Variants in ADK observed in about 807,000 individuals in gnomAD.
ADK encodes the protein N6,N6-dimethyladenosine kinase.
In ADK, 24 loss-of-function variants were observed where a neutral mutation model predicts 44.7. The observed-to-expected ratio is 0.54, with a 90% CI of 0.39 to 0.76. ADK has a LOEUF of 0.76. Among genes scored for constraint, ADK ranks in the 30% least tolerant of loss-of-function variants. The pLI is 0.00. For missense variants in ADK, 321 were observed against 425.1 expected (o/e 0.76, Z 2.15); for synonymous variants, 128 against 142.6 (o/e 0.90, Z 0.73).
At chr10:74,243,861 A>AT (rs1845316682) in intron 3 of ADK, among the ~76,000 whole-genome samples, 1 of 152,048 alleles carries the variant, frequency 6.6e-6, no homozygotes. Context: ...CTCAAAAAAA[A>AT]TTTTTTTTAA....
At chr10:74,272,514 A>G (rs577556625) in intron 3 of ADK, among the ~76,000 whole-genome samples, 1 of 152,290 alleles carries the variant, frequency 6.6e-6, no homozygotes, top group South Asian at 2.1e-4. Flanking sequence ...GATGCAAGCA[A>G]TCCTCCTGCC....
chr10:74,556,973 A>C (rs1476979471), intron 7 of ADK, among the ~76,000 whole-genome samples: 2 of 152,200 alleles, frequency 1.3e-5, no homozygotes, highest in African/African-American at 4.8e-5. Context: ...ACTTATTTGA[A>C]ACAGTCCAAG....
intron 9 of ADK, among the ~76,000 whole-genome samples, chr10:74,612,242 T>A (rs752800046): frequency 5.9e-5 from 9 of 152,142 alleles, no homozygotes; most frequent in Non-Finnish European, 1.3e-4. Context: ...TTTTCATATG[T>A]TTGTTGGCTG....
chr10:74,283,002 C>A (rs190592993), intron 3 of ADK, among the ~76,000 whole-genome samples: 7 of 152,234 alleles, frequency 4.6e-5, no homozygotes, highest in Admixed American at 4.6e-4. Context: ...CTTCAGTTAG[C>A]CACTTTAGTC....
intron 3 of ADK, among the ~76,000 whole-genome samples, chr10:74,292,975 G>T (rs985093603): frequency 1.3e-5 from 2 of 151,852 alleles, no homozygotes; most frequent in Non-Finnish European, 2.9e-5. Flanking sequence ...AAATAGTAAA[G>T]ATAGGAAGCC....
intron 1 of ADK, among the ~76,000 whole-genome samples, chr10:74,157,401 G>T (rs935544611): frequency 6.6e-6 from 1 of 151,340 alleles, no homozygotes; most frequent in Admixed American, 6.6e-5. Context: ...AGAAATAATG[G>T]TCATAAAAAA....
At chr10:74,681,146 T>G (rs866971738) in intron 10 of ADK, among the ~76,000 whole-genome samples, 13 of 152,218 alleles carry the variant, frequency 8.5e-5, no homozygotes, top group African/African-American at 3.1e-4. Flanking sequence ...GAATCTTTTG[T>G]TTTTAACTAT....
chr10:74,381,910 T>C (rs944597892), intron 4 of ADK, among the ~76,000 whole-genome samples: 3 of 152,314 alleles, frequency 2.0e-5, no homozygotes, highest in African/African-American at 4.8e-5. Context: ...GGGATTTTGC[T>C]TTTTATAAAG....
At chr10:74,308,679 A>C (rs1840335257) in intron 3 of ADK, among the ~76,000 whole-genome samples, 2 of 152,234 alleles carry the variant, frequency 1.3e-5, no homozygotes, top group Non-Finnish European at 2.9e-5. Context: ...TAAGGAAGTT[A>C]AATTTTTGGA....
At chr10:74,277,772 C>T (rs1408381149) in intron 3 of ADK, among the ~76,000 whole-genome samples, 1 of 152,040 alleles carries the variant, frequency 6.6e-6, no homozygotes, top group Non-Finnish European at 1.5e-5. Context: ...TTTTAAAAAG[C>T]TATTTTTTCT....
chr10:74,436,335 A>G (rs1845177710), intron 6 of ADK, among the ~76,000 whole-genome samples: 1 of 152,140 alleles, frequency 6.6e-6, no homozygotes, highest in Non-Finnish European at 1.5e-5. Flanking sequence ...TGAACCTGGG[A>G]GGCGGAGGTT....
rs889111892 is a variant in ADK at position 74,700,222 on chromosome 10, A to G, written c.965-8099A>G. On this transcript the variant is annotated intron_variant, in intron 10 of 10. Transcript: ENST00000539909. ...AAAAGAATGAAGAAAATCTCTACCA[A>G]TTGATGTATAATGATTACCAGGAGA... Among the ~76,000 whole-genome samples, 4 of 152,304 alleles carry G rather than the reference A, an allele frequency of 2.6e-5. No individual in the cohort carries two copies. In the South Asian group the frequency reaches 6.2e-4, roughly 24 times the overall value.
intron 7 of ADK, among the ~76,000 whole-genome samples, chr10:74,568,618 T>A (rs1850788361): frequency 6.6e-6 from 1 of 151,230 alleles, no homozygotes; most frequent in Non-Finnish European, 1.5e-5. Context: ...GACTGCTGGT[T>A]GCCCATTTCT....
intron 7 of ADK, among the ~76,000 whole-genome samples, chr10:74,541,802 C>CG (rs1849646682): frequency 7.3e-6 from 1 of 137,682 alleles, no homozygotes; most frequent in Non-Finnish European, 1.6e-5. Flanking sequence ...ACACCCCCCC[C>CG]CCCTAAAAAA....
At chr10:74,550,447 C>G (rs1849992194) in intron 7 of ADK, among the ~76,000 whole-genome samples, 1 of 152,122 alleles carries the variant, frequency 6.6e-6, no homozygotes, top group Non-Finnish European at 1.5e-5. Flanking sequence ...CTACTTCTTC[C>G]CTTCTAGTTC....
At chr10:74,220,316 C>T (rs1268471068) in intron 2 of ADK, among the ~76,000 whole-genome samples, 1 of 152,118 alleles carries the variant, frequency 6.6e-6, no homozygotes, top group African/African-American at 2.4e-5. Flanking sequence ...CAAGACTAAA[C>T]CAGGAAGAAG....
At chr10:74,365,446 A>G (rs1047539712) in intron 4 of ADK, among the ~76,000 whole-genome samples, 3 of 152,144 alleles carry the variant, frequency 2.0e-5, no homozygotes, top group East Asian at 1.9e-4. Context: ...TTTGTTGCAT[A>G]TATTAGCACT....
chr10:74,411,806 G>C (rs1165424233), intron 6 of ADK, among the ~76,000 whole-genome samples: 1 of 152,220 alleles, frequency 6.6e-6, no homozygotes, highest in Non-Finnish European at 1.5e-5. Flanking sequence ...GAACTTCTTT[G>C]AAATTGGAGT....
intron 4 of ADK, among the ~76,000 whole-genome samples, chr10:74,362,880 G>A (rs1484733694): frequency 6.6e-6 from 1 of 152,214 alleles, no homozygotes; most frequent in East Asian, 1.9e-4. Flanking sequence ...GAGGTAGTTG[G>A]GCTGCCTGGG....
Sources: allele counts gnomAD v4.1 joint callset (sites outside exome capture counted in the v4.1 genomes callset), GRCh38; gene constraint gnomAD v4.1.1; transcripts MANE v1.5; gene names NCBI Gene and HGNC (gene_info 2026-07-23, HGNC 2026-07-21).